MYO6: variants seen among roughly 807,000 people sequenced by gnomAD.
MYO6 encodes the protein myosin VI, also known as unconventional myosin-VI.
Under a neutral mutation model 178.7 loss-of-function variants are expected in MYO6, and 74 were observed. The ratio of observed to expected loss-of-function variants is 0.41; its 90% confidence interval spans 0.34 to 0.50. The LOEUF (loss-of-function observed/expected upper bound fraction) is 0.50. MYO6 is among the 20% of genes least tolerant of loss of function. MYO6 has a pLI of 0.09. For missense variants in MYO6, 1,330 were observed against 1,547.4 expected, an observed-to-expected ratio of 0.86 and a Z score of 2.36; for synonymous variants, 477 against 504.6, an observed-to-expected ratio of 0.95 and a Z score of 0.73.
intron 7 of MYO6, among the ~76,000 whole-genome samples, 172 bp from the exon 8 acceptor site, chr6:75,840,413 G>A (rs541834396): frequency 1.3e-5 from 2 of 151,972 alleles, no homozygotes; most frequent in Admixed American, 1.3e-4. Context: ...CACCTGCCTC[G>A]GCCTCCCAAA....
chr6:75,791,265 T>G (rs1408259857), intron 1 of MYO6, among the ~76,000 whole-genome samples: 1 of 152,164 alleles, frequency 6.6e-6, no homozygotes, highest in Non-Finnish European at 1.5e-5. Context: ...AAAGAATAAT[T>G]GATGCAGTTA....
chr6:75,766,237 C>T (rs947589318), intron 1 of MYO6, among the ~76,000 whole-genome samples: 10 of 151,944 alleles, frequency 6.6e-5, no homozygotes, highest in Admixed American at 5.2e-4. Context: ...GCAGGAGAAT[C>T]GCTTGAACCC....
rs6925742 is a variant in MYO6, at chr6:75,839,816, A to C, written c.554-769A>C. Reference sequence around the variant, plus strand: ...CTGGATATACATGTAAAAATGTTAAATATGGAGACTATTAATATGTGAAAT... The same window carrying C: ...CTGGATATACATGTAAAAATGTTAACTATGGAGACTATTAATATGTGAAAT... On this transcript the variant is annotated intron_variant, in intron 7 of 34. Transcript: ENST00000369977. 2.8e-3 allele frequency among the ~76,000 whole-genome samples: 431 copies of C among 152,240 alleles called. 4 individuals carry two copies. The highest frequency in any genetic ancestry group is 1.0e-2 in the African/African-American group (415 of 41,518).
At chr6:75,826,171 CTTAGCATTT>C (rs1772448425) in intron 3 of MYO6, among the ~76,000 whole-genome samples, 1 of 152,156 alleles carries the variant, frequency 6.6e-6, no homozygotes, top group East Asian at 1.9e-4. Context: ...GCAGTTGGGA[CTTAGCATTT>C]CACATTCTGG....
intron 1 of MYO6, among the ~76,000 whole-genome samples, chr6:75,758,508 T>C (rs1777664853): frequency 6.6e-6 from 1 of 152,182 alleles, no homozygotes; most frequent in African/African-American, 2.4e-5. Context: ...TCACCCAGGC[T>C]GGAGTGCAGT....
At chr6:75,899,167 T>C (rs1375072145) in intron 30 of MYO6, among the ~76,000 whole-genome samples, 1 of 152,196 alleles carries the variant, frequency 6.6e-6, no homozygotes, top group Non-Finnish European at 1.5e-5. Flanking sequence ...TTAGTAGATG[T>C]ACTTTTGTTT....
At chr6:75,784,650 G>A (rs1175128855) in intron 1 of MYO6, among the ~76,000 whole-genome samples, 5 of 151,740 alleles carry the variant, frequency 3.3e-5, no homozygotes, top group South Asian at 2.1e-4. Flanking sequence ...GGTGGCGGGC[G>A]CCTGTAGTCC....
At chr6:75,822,738 A>C in intron 2 of MYO6, 44 bp from the exon 3 acceptor site, 3 of 1,514,374 alleles carry the variant, frequency 2.0e-6, no homozygotes, top group Non-Finnish European at 2.8e-6. Flanking sequence ...TGTTCTTACT[A>C]TTTAAAAGCC....
At position 75,800,153 on chromosome 6, in the gene MYO6, C is replaced by T. The variant is rs73751013; in HGVS notation, c.-47-17348C>T. ...TAATAATTTCACTTCATGGTTCAAC[C>T]CCCCTCCAGACTCTACTCTCCCCAA... is the stretch of plus-strand genomic sequence containing the variant. On this transcript the variant is annotated intron_variant, in intron 1 of 34. Transcript: ENST00000369977. Among the ~76,000 whole-genome samples, 684 of 152,108 alleles carry T rather than the reference C, an allele frequency of 4.5e-3. 8 individuals are homozygous for T. Among genetic ancestry groups the T allele is most frequent in the African/African-American group, 0.016 (655 of 41,478 alleles).
intron 2 of MYO6, among the ~76,000 whole-genome samples, chr6:75,821,429 C>T (rs1227609854): frequency 6.6e-6 from 1 of 152,098 alleles, no homozygotes; most frequent in Admixed American, 6.5e-5. Flanking sequence ...ATACTTAATG[C>T]ACATGATGGG....
chr6:75,756,938 T>A (rs1777425845), intron 1 of MYO6, among the ~76,000 whole-genome samples: 1 of 139,114 alleles, frequency 7.2e-6, no homozygotes, highest in Non-Finnish European at 1.5e-5. Context: ...CCATATATAG[T>A]GTGTATATAT....
intron 1 of MYO6, among the ~76,000 whole-genome samples, chr6:75,757,077 G>A (rs144626078): frequency 6.9e-6 from 1 of 144,268 alleles, no homozygotes; most frequent in African/African-American, 2.5e-5. Context: ...TATATAGTGT[G>A]TATATATATG....
rs559055303 is a variant in MYO6 at position 75,875,450 on chromosome 6, A to T, written c.2077+2150A>T. Among the ~76,000 whole-genome samples, 16 of 152,072 alleles carry T rather than the reference A, an allele frequency of 1.1e-4. No individual in the cohort carries two copies. The East Asian group carries it at 1.6e-3, about 15-fold the overall frequency. ...CCACCACGCCCAGCTAATTAAAAAA[A>T]ATTTTTTTTGTACAGACAGGATCTC... On this transcript the variant is annotated intron_variant, in intron 20 of 34. Coordinates refer to ENST00000369977, the MANE Select transcript of MYO6 (RefSeq NM_004999.4).
intron 1 of MYO6, among the ~76,000 whole-genome samples, chr6:75,780,308 G>A (rs368268913): frequency 1.1e-3 from 169 of 152,284 alleles, no homozygotes; most frequent in African/African-American, 4.0e-3. Flanking sequence ...TGGGTGTGGT[G>A]GTGCACACCT....
intron 29 of MYO6, 117 bp downstream of exon 29, chr6:75,895,377 T>A (rs1779213699): frequency 1.3e-6 from 1 of 785,632 alleles, no homozygotes; most frequent in Non-Finnish European, 2.1e-6. Flanking sequence ...TGAGATAACC[T>A]TTTTCATATT....
rs564670908 is a variant in MYO6 at position 75,863,542 on chromosome 6, A to G, written c.1674+819A>G. On this transcript the variant is annotated intron_variant, in intron 16 of 34. Transcript: ENST00000369977. ...CTATTGTCACCCAGGCTGGAGTGCAATGGTGCGATCTCGGCTCACTGCAAC... is the reference window on the plus strand; with the variant it reads ...CTATTGTCACCCAGGCTGGAGTGCAGTGGTGCGATCTCGGCTCACTGCAAC... Among the ~76,000 whole-genome samples the G allele has an allele frequency of 2.2e-4, 34 of 151,780 alleles. 1 individual carries two copies. In the South Asian group the frequency reaches 6.0e-3, roughly 27 times the overall value.
intron 1 of MYO6, 147 bp from the exon 2 acceptor site, chr6:75,817,354 C>T: frequency 1.7e-6 from 1 of 582,242 alleles, no homozygotes; most frequent in Non-Finnish European, 3.1e-6. Context: ...CAGCAAGAGG[C>T]AAGGGAGGAG....
intron 1 of MYO6, among the ~76,000 whole-genome samples, chr6:75,757,733 A>G (rs1025977893): frequency 6.6e-6 from 1 of 151,978 alleles, no homozygotes; most frequent in Non-Finnish European, 1.5e-5. Context: ...TCATTTCTCT[A>G]GGCTTCAGTT....
rs539100718 is a variant in MYO6 at position 75,840,642 on chromosome 6, G to T, written c.611G>T (p.Ser204Ile). The change falls in exon 8 of 35, where the codon AGT (serine) becomes ATT (isoleucine). Residue 204 changes from serine (S) to isoleucine (I), a missense_variant. Ser to Ile is a moderately radical substitution (Grantham distance 142). Around this residue, in one of 3 missense-constraint regions of MYO6, gnomAD observed 613 missense variants for 816.8 expected, o/e 0.75. Transcript: ENST00000369977. ...AAGACTGTTCGCAACAATAATAGCA[G>T]TCGATTTGGGAAATTTGTAGAAATA... ...NAKTVRNNNS[S>I]RFGKFVEIHF... 1 of 1,613,844 alleles carries T rather than the reference G, an allele frequency of 6.2e-7. No individual in the cohort carries two copies. Among genetic ancestry groups the T allele is most frequent in the African/African-American group, 1.3e-5 (1 of 75,006 alleles).
Sources: gnomAD v4.1 joint callset for allele counts (sites outside exome capture counted in the v4.1 genomes callset) on GRCh38, gnomAD v4.1.1 for gene constraint, gnomAD v4.1.1 regional missense constraint, MANE v1.5 for transcripts, NCBI Gene and HGNC (gene_info 2026-07-23, HGNC 2026-07-21) for gene names.